ITIH5: variants seen among roughly 807,000 people sequenced by gnomAD.
ITIH5 encodes the protein inter-alpha-trypsin inhibitor heavy chain 5, also known as inter-alpha-trypsin inhibitor heavy chain H5.
In ITIH5, 65 loss-of-function variants were observed where a neutral mutation model predicts 77.5. The ratio of observed to expected loss-of-function variants is 0.84; its 90% CI spans 0.69 to 1.03. The LOEUF (loss-of-function observed/expected upper bound fraction) is 1.03, where lower values mean the gene tolerates loss of function less well. Ranked by LOEUF, ITIH5 falls within the 50% of genes least tolerant of loss-of-function variation. The probability of loss-of-function intolerance (pLI) is 0.00; values close to 1 mark genes in which losing one functional copy is unlikely to be tolerated. For synonymous variants in ITIH5, 525 were observed against 494.3 expected (o/e 1.06, Z -0.82); for missense variants, 1,208 against 1,213.1 (o/e 1.00, Z 0.06).
Position 7,586,048 on chromosome 10 carries a change from T to G in ITIH5, c.961A>C (p.Ile321Leu). 1 of 1,613,636 alleles carries G rather than the reference T, an allele frequency of 6.2e-7. No individual in the cohort carries two copies. The highest frequency in any genetic ancestry group is 2.2e-5 in the East Asian group (1 of 44,876). The change falls in exon 8 of 14, where the codon ATT (isoleucine) becomes CTT (leucine). Residue 321 changes from isoleucine (I) to leucine (L), a missense_variant. Physicochemically the swap from Ile to Leu is conservative, Grantham distance 5 (BLOSUM62 2). Transcript: ENST00000397146. ...LRQTKDALFT[I>L]LHDLRPQDRF... ...TCCTGGGGTCGGAGGTCATGGAGAATTGTGAAGAGGGCATCCTTGGTCTAG... is the reference window on the plus strand; with the variant it reads ...TCCTGGGGTCGGAGGTCATGGAGAAGTGTGAAGAGGGCATCCTTGGTCTAG...
At position 7,579,978 on chromosome 10, in the gene ITIH5, A is replaced by G. The variant is rs779239590; in HGVS notation, c.1195T>C (p.Ser399Pro). 2 of 1,614,116 alleles carry G rather than the reference A, an allele frequency of 1.2e-6. No individual in the cohort carries two copies. Among genetic ancestry groups the G allele is most frequent in the Non-Finnish European group, 1.7e-6 (2 of 1,180,026 alleles). ...CCATCCGTCAGGAAGACGATGAGGG[A>G]CACGCTCCGGTCTCCAATGCCACTG... ...AHSGIGDRSV[S>P]LIVFLTDGKP... Residue 399 changes from serine (S) to proline (P), a missense_variant, in exon 9 of 14, where the codon TCC becomes CCC. Physicochemically the swap from Ser to Pro is moderately conservative, Grantham distance 74 (BLOSUM62 -1). Transcript: ENST00000397146.
intron 7 of ITIH5, among the ~76,000 whole-genome samples, chr10:7,597,469 G>A (rs1237609751): frequency 6.6e-6 from 1 of 152,220 alleles, no homozygotes; most frequent in Non-Finnish European, 1.5e-5. Context: ...GAGGAGAATG[G>A]AAATGTCTGC....
Position 7,566,905 on chromosome 10 carries a change from GAAGAAGAAGAAGAAGAA to G in ITIH5, c.2150-515_2150-499del, listed in dbSNP as rs1334028006. On this transcript the variant is annotated intron_variant, in intron 12 of 13. Transcript: ENST00000397146. The stretch of plus-strand genomic sequence containing the variant: ...AGAAGAAGAAGAAGAAGAAGAAGAA[GAAGAAGAAGAAGAAGAA>G]AAGAAAAGAAAATCTATCCCTGCCC... Among the ~76,000 whole-genome samples, 124 of 108,410 alleles carry G rather than the reference GAAGAAGAAGAAGAAGAA, an allele frequency of 1.1e-3. 24 individuals are homozygous for G. Among genetic ancestry groups the G allele is most frequent in the African/African-American group, 4.2e-3 (112 of 26,402 alleles). The allele number at this position is 108,410 out of a possible 152,430, so 71.1% of individuals were successfully genotyped here.
rs1230991661 is a variant in ITIH5 at position 7,644,936 on chromosome 10, TCAC to T, written c.136-2849_136-2847del. ...CACATATATATATCACATATATATA[TCAC>T]ATATATATATATCACACATATATAT... On this transcript the variant is annotated intron_variant, in intron 2 of 13. Transcript: ENST00000397146. Among the ~76,000 whole-genome samples, 244 of 24,404 alleles carry T rather than the reference TCAC, an allele frequency of 1.0e-2. 4 individuals are homozygous for T. The highest frequency in any genetic ancestry group is 0.03 in the African/African-American group (167 of 5,572). The allele number at this position is 24,404 out of a possible 152,430, so 16.0% of individuals were successfully genotyped here. A position where few individuals can be genotyped will look rare whatever the true frequency, so the allele number is the denominator to read the frequency against.
chr10:7,581,870 A>ATTTTTTT (rs34386089), intron 8 of ITIH5, among the ~76,000 whole-genome samples: 3 of 81,450 alleles, frequency 3.7e-5, no homozygotes, highest in Non-Finnish European at 2.3e-5. Flanking sequence ...CCACCCATGT[A>ATTTTTTT]TTTTTTTTTT....
chr10:7,608,984 G>C (rs1833187916), intron 7 of ITIH5, among the ~76,000 whole-genome samples: 1 of 152,152 alleles, frequency 6.6e-6, no homozygotes, highest in Non-Finnish European at 1.5e-5. Flanking sequence ...GAGCCTCAAA[G>C]CTTGAAAAGT....
intron 7 of ITIH5, among the ~76,000 whole-genome samples, chr10:7,587,860 C>T (rs1832713993): frequency 1.3e-5 from 2 of 152,160 alleles, no homozygotes; most frequent in Admixed American, 1.3e-4. Flanking sequence ...TGACTCTTTG[C>T]CTTTCCTCCT....
intron 10 of ITIH5, among the ~76,000 whole-genome samples, chr10:7,576,174 C>T (rs1832409420): frequency 1.3e-5 from 2 of 152,128 alleles, no homozygotes; most frequent in East Asian, 1.9e-4. Context: ...ACAGGCATTC[C>T]ACCATACATA....
At position 7,569,783 on chromosome 10, in the gene ITIH5, CACTGCCAG is replaced by C. The variant is rs775960989; in HGVS notation, c.2033-7_2033del. 3 of 1,594,576 alleles carry C rather than the reference CACTGCCAG, an allele frequency of 1.9e-6. No homozygotes were observed. The South Asian group carries it at 3.4e-5, about 18-fold the overall frequency. ...CCACAACAAAGTGGGGATCACCATC[CACTGCCAG>C]AGCAGAAGAAAACGGAGAGAAAAAG... On this transcript the variant is annotated splice_acceptor_variant and splice_polypyrimidine_tract_variant and coding_sequence_variant and intron_variant, in exon 12 of 14. Transcript: ENST00000397146. LOFTEE classifies it high-confidence loss of function.
At chr10:7,628,739 G>A (rs569724466) in intron 5 of ITIH5, among the ~76,000 whole-genome samples, 9 of 101,800 alleles carry the variant, frequency 8.8e-5, no homozygotes, top group South Asian at 3.4e-4. Flanking sequence ...ATGTTGCAGC[G>A]TGTGTCCATG....
At chr10:7,635,805 C>G (rs974204331) in intron 5 of ITIH5, among the ~76,000 whole-genome samples, 1 of 152,130 alleles carries the variant, frequency 6.6e-6, no homozygotes. Context: ...TTCTCTGATT[C>G]CGCTTGTCCA....
intron 12 of ITIH5, among the ~76,000 whole-genome samples, chr10:7,566,908 GAAGAAGAA>G (rs1832196561): frequency 2.0e-5 from 2 of 100,624 alleles, no homozygotes; most frequent in African/African-American, 4.0e-5. Context: ...AGAAGAAGAA[GAAGAAGAA>G]GAAGAAAAGA....
chr10:7,619,607 G>T, intron 5 of ITIH5: 1 of 394,866 alleles, frequency 2.5e-6, no homozygotes, highest in Non-Finnish European at 5.2e-6. Flanking sequence ...GGAAGCCTCG[G>T]GAAACTTACA....
intron 5 of ITIH5, 28 bp downstream of exon 5, chr10:7,637,200 C>A (rs202170228): frequency 6.9e-6 from 11 of 1,593,690 alleles, no homozygotes; most frequent in Non-Finnish European, 8.5e-6. Context: ...CACCACAGAT[C>A]TGCACGAACC....
Position 7,585,833 on chromosome 10 carries a change from AAAAAAAACC to A in ITIH5, c.1108+59_1108+67del. The stretch of plus-strand genomic sequence containing the variant: ...AAATCCTTATCTCTTGGCAAAAAAA[AAAAAAAACC>A]AAAAAAAAAAACATTATTTCAAAGC... On this transcript the variant is annotated intron_variant, in intron 8 of 13. Transcript: ENST00000397146. 2.9e-6 allele frequency: 4 copies of A among 1,376,402 alleles called. No individual in the cohort carries two copies. The African/African-American group carries it at 7.5e-5, about 26-fold the overall frequency. 85.3% of individuals were successfully genotyped at this position (1,376,402 alleles called of 1,614,324 possible).
At position 7,634,247 on chromosome 10, in the gene ITIH5, G is replaced by C. The variant is rs1171132237; in HGVS notation, c.652+2981C>G. Among the ~76,000 whole-genome samples the C allele has an allele frequency of 3.3e-5, 5 of 152,082 alleles. No homozygotes were observed. In the East Asian group the frequency reaches 9.6e-4, roughly 29 times the overall value. On this transcript the variant is annotated intron_variant, in intron 5 of 13. Coordinates refer to ENST00000397146, the MANE Select transcript of ITIH5 (RefSeq NM_030569.7). ...CCTCATTCACACAATCATAGTTTTGGTGCAAGCCCAATTCCAGTTTGATCT... is the reference window on the plus strand; with the variant it reads ...CCTCATTCACACAATCATAGTTTTGCTGCAAGCCCAATTCCAGTTTGATCT...
chr10:7,611,883 A>G (rs1239090696), intron 7 of ITIH5, among the ~76,000 whole-genome samples: 2 of 147,544 alleles, frequency 1.4e-5, no homozygotes, highest in East Asian at 2.0e-4. Context: ...GTTTCTTCCC[A>G]CTTGAAAATC....
intron 5 of ITIH5, among the ~76,000 whole-genome samples, chr10:7,629,583 G>A (rs1248376077): frequency 1.7e-4 from 24 of 144,838 alleles, no homozygotes; most frequent in South Asian, 1.1e-3. Context: ...CTGTGTTTTC[G>A]CATGTGTCCA....
intron 13 of ITIH5, among the ~76,000 whole-genome samples, chr10:7,565,694 C>T (rs1234484296): frequency 1.3e-5 from 2 of 148,344 alleles, no homozygotes; most frequent in African/African-American, 2.5e-5. Context: ...CATACATATA[C>T]AGACTGCATA....
Sources: allele counts gnomAD v4.1 joint callset (sites outside exome capture counted in the v4.1 genomes callset), GRCh38; gene constraint gnomAD v4.1.1; transcripts MANE v1.5; gene names NCBI Gene and HGNC (gene_info 2026-07-23, HGNC 2026-07-21).